The following KCNIP1 variants were observed in gnomAD, a reference collection of about 807,000 sequenced individuals.
The protein encoded by KCNIP1 is A-type potassium channel modulatory protein KCNIP1.
KCNIP1 carries 18 observed loss-of-function variants against 33.0 expected under a neutral mutation model. The observed-to-expected ratio is 0.55, with a 90% CI of 0.38 to 0.81. The LOEUF is 0.81. Ranked by LOEUF, KCNIP1 falls within the 30% of genes least tolerant of loss-of-function variation. The pLI, the probability that KCNIP1 is intolerant of heterozygous loss-of-function variation, is 0.00. For missense variants in KCNIP1, 238 were observed against 271.6 expected, an observed-to-expected ratio of 0.88 and a Z score of 0.87; for synonymous variants, 93 against 98.3, an observed-to-expected ratio of 0.95 and a Z score of 0.32.
At chr5:170,481,839 G>A (rs1446780291) in intron 1 of KCNIP1, among the ~76,000 whole-genome samples, 1 of 152,166 alleles carries the variant, frequency 6.6e-6, no homozygotes, top group Non-Finnish European at 1.5e-5. Context: ...TTATTTCATA[G>A]TGACAAGAAG....
At chr5:170,623,357 A>C (rs1005589830) in intron 1 of KCNIP1, among the ~76,000 whole-genome samples, 5 of 151,748 alleles carry the variant, frequency 3.3e-5, no homozygotes, top group East Asian at 1.9e-4. Context: ...GATTACAGGC[A>C]CCCGCCACCA....
At chr5:170,374,784 T>C (rs1410779949) in intron 1 of KCNIP1, 1 of 152,190 alleles carries the variant, frequency 6.6e-6, no homozygotes, top group Non-Finnish European at 1.5e-5. Flanking sequence ...TAAATTCCCA[T>C]TATTTCATGC....
At chr5:170,386,530 C>T (rs1473125658) in intron 1 of KCNIP1, among the ~76,000 whole-genome samples, 1 of 152,172 alleles carries the variant, frequency 6.6e-6, no homozygotes, top group Non-Finnish European at 1.5e-5. Flanking sequence ...CCTCCTTCCA[C>T]GGCACTTATC....
chr5:170,378,671 C>A, intron 1 of KCNIP1: 1 of 1,569,958 alleles, frequency 6.4e-7, no homozygotes, highest in Non-Finnish European at 8.6e-7. Context: ...GTCCCCTGTG[C>A]CCTGACAAGT....
chr5:170,561,059 G>C, intron 1 of KCNIP1: 4 of 454,916 alleles, frequency 8.8e-6, no homozygotes, highest in Non-Finnish European at 1.8e-5. Flanking sequence ...CCTCCTGGCT[G>C]GTGCGTGGCT....
intron 1 of KCNIP1, among the ~76,000 whole-genome samples, chr5:170,379,332 G>A (rs314158): frequency 0.13 from 19,365 of 152,090 alleles, 1,453 homozygotes; most frequent in Middle Eastern, 0.22. Context: ...CGGTTTCAAA[G>A]GATATTATGA....
intron 3 of KCNIP1, 93 bp from the exon 4 acceptor site, chr5:170,721,740 C>T: frequency 6.2e-7 from 1 of 1,614,096 alleles, no homozygotes; most frequent in Non-Finnish European, 8.5e-7. Context: ...CATCACTCTC[C>T]TCTCTTTCTT....
At chr5:170,505,352 G>A (rs918787470) in intron 1 of KCNIP1, among the ~76,000 whole-genome samples, 1 of 152,192 alleles carries the variant, frequency 6.6e-6, no homozygotes, top group African/African-American at 2.4e-5. Context: ...ATGGGTCCAG[G>A]TGAAGTTGGA....
chr5:170,568,752 G>C (rs1199325502), intron 1 of KCNIP1, among the ~76,000 whole-genome samples: 3 of 151,298 alleles, frequency 2.0e-5, no homozygotes, highest in Non-Finnish European at 4.4e-5. Flanking sequence ...GGACCTGAGA[G>C]GTGGAGGTTG....
chr5:170,607,440 C>T (rs116009441), intron 1 of KCNIP1, among the ~76,000 whole-genome samples: 97 of 152,296 alleles, frequency 6.4e-4, no homozygotes, highest in African/African-American at 2.3e-3. Context: ...AAACCCAGGG[C>T]TGGGGGCCTT....
chr5:170,552,146 A>G (rs556647146), intron 1 of KCNIP1, among the ~76,000 whole-genome samples: 1 of 152,170 alleles, frequency 6.6e-6, no homozygotes, highest in Non-Finnish European at 1.5e-5. Context: ...AATTACAGCC[A>G]TTTGTCACAG....
At chr5:170,524,696 C>T (rs573329475) in intron 1 of KCNIP1, among the ~76,000 whole-genome samples, 14 of 151,392 alleles carry the variant, frequency 9.2e-5, no homozygotes, top group East Asian at 3.9e-4. Flanking sequence ...TGGGGCGGGG[C>T]GGGAATTCAG....
intron 1 of KCNIP1, among the ~76,000 whole-genome samples, chr5:170,638,811 CCCT>C (rs749498726): frequency 6.6e-6 from 1 of 152,214 alleles, no homozygotes; most frequent in Non-Finnish European, 1.5e-5. Flanking sequence ...CTCAGGGGAA[CCCT>C]CCTCCTCTCC....
chr5:170,605,825 A>G (rs574889237), intron 1 of KCNIP1, among the ~76,000 whole-genome samples: 2 of 143,170 alleles, frequency 1.4e-5, no homozygotes, highest in Admixed American at 7.4e-5. Context: ...CTCAGGCTGA[A>G]GTGCAGTGGC....
chr5:170,526,821 C>A (rs1031208538), intron 1 of KCNIP1, among the ~76,000 whole-genome samples: 1 of 150,400 alleles, frequency 6.6e-6, no homozygotes, highest in Non-Finnish European at 1.5e-5. Flanking sequence ...CTACCAGGTT[C>A]CAGTGATTCT....
chr5:170,735,852 AACCACCTTAAC>A lies in KCNIP1; in HGVS notation c.*50_*60del, dbSNP rs750522591. The A allele has an allele frequency of 1.1e-5, 16 of 1,496,944 alleles. No individual in the cohort carries two copies. The highest frequency in any genetic ancestry group is 5.0e-5 in the Admixed American group (3 of 59,832). 92.7% of individuals were successfully genotyped at this position (1,496,944 alleles called of 1,614,324 possible). ...AGCTCTCAGAGACATTGTACTAAAC[AACCACCTTAAC>A]ACCCTGATCTGCCCTTGTTCTGATT... is the stretch of plus-strand genomic sequence containing the variant. On this transcript the variant is annotated 3_prime_UTR_variant, in exon 8 of 8. Coordinates refer to ENST00000328939, the MANE Select transcript of KCNIP1 (RefSeq NM_014592.4).
chr5:170,504,223 C>T lies in KCNIP1; in HGVS notation c.-350C>T, dbSNP rs1754610884. ...CGCACCGCACGCGGCGCTGGCTCGGCAGCCTCGGCCGGGCGGCCGCTCTGG... is the reference window on the plus strand; with the variant it reads ...CGCACCGCACGCGGCGCTGGCTCGGTAGCCTCGGCCGGGCGGCCGCTCTGG... On this transcript the variant is annotated 5_prime_UTR_variant, in exon 1 of 8. An upstream open reading frame in the 5' UTR gains an earlier in-frame stop. Coordinates refer to ENST00000328939, the MANE Select transcript of KCNIP1 (RefSeq NM_014592.4). The surrounding 1 kb of genome is among the most constrained non-coding windows in gnomAD (Gnocchi z 6.0). The T allele has an allele frequency of 1.9e-6, 2 of 1,061,688 alleles. No homozygotes were observed. The highest frequency in any genetic ancestry group is 1.1e-6 in the Non-Finnish European group (1 of 880,256). 65.8% of individuals were successfully genotyped at this position (1,061,688 alleles called of 1,614,324 possible).
At chr5:170,704,243 G>C (rs1763186860) in intron 1 of KCNIP1, among the ~76,000 whole-genome samples, 1 of 123,650 alleles carries the variant, frequency 8.1e-6, no homozygotes, top group Non-Finnish European at 1.6e-5. Flanking sequence ...TGAAATTGCT[G>C]ATTCAATTTC....
At chr5:170,657,080 C>T (rs1162919820) in intron 1 of KCNIP1, among the ~76,000 whole-genome samples, 4 of 149,240 alleles carry the variant, frequency 2.7e-5, no homozygotes, top group African/African-American at 5.0e-5. Flanking sequence ...ACTGCAACCT[C>T]CACCTCCCGG....
Sources: allele counts gnomAD v4.1 joint callset (sites outside exome capture counted in the v4.1 genomes callset), GRCh38; gene constraint gnomAD v4.1.1; non-coding constraint Gnocchi (gnomAD v3.1); transcripts MANE v1.5; gene names NCBI Gene and HGNC (gene_info 2026-07-23, HGNC 2026-07-21).